Variants in OSBPL5 observed in about 807,000 individuals in gnomAD.
OSBPL5 encodes oxysterol binding protein like 5.
OSBPL5 carries 71 observed loss-of-function variants against 111.2 expected under a neutral mutation model. The observed-to-expected ratio is 0.64, with a 90% confidence interval of 0.53 to 0.78. The LOEUF (loss-of-function observed/expected upper bound fraction) is 0.78, where lower values mean the gene tolerates loss of function less well. OSBPL5 is among the 30% of genes least tolerant of loss of function. The pLI is 0.00. For missense variants in OSBPL5, 1,210 were observed against 1,189.3 expected, an observed-to-expected ratio of 1.02 and a Z score of -0.26; for synonymous variants, 549 against 513.9, an observed-to-expected ratio of 1.07 and a Z score of -0.93.
chr11:3,095,958 A>G (rs1199078699), intron 14 of OSBPL5, among the ~76,000 whole-genome samples: 2 of 151,538 alleles, frequency 1.3e-5, no homozygotes, highest in Non-Finnish European at 2.9e-5. Context: ...CGTCGTGTTG[A>G]AAAAAACTGT....
At chr11:3,103,519 G>C (rs1857528530) in intron 10 of OSBPL5, among the ~76,000 whole-genome samples, 199 bp from the exon 11 acceptor site, 1 of 152,226 alleles carries the variant, frequency 6.6e-6, no homozygotes, top group African/African-American at 2.4e-5. Flanking sequence ...AAGTGCCAGG[G>C]CTGCTCCCAC....
At chr11:3,122,138 A>G in intron 4 of OSBPL5, 40 bp from the exon 5 acceptor site, 4 of 1,525,506 alleles carry the variant, frequency 2.6e-6, no homozygotes. Context: ...GGGAGAAGGC[A>G]CCGAGCTGCC....
At chr11:3,093,357 C>T (rs1857130904) in intron 17 of OSBPL5, 170 bp downstream of exon 17, 4 of 1,094,438 alleles carry the variant, frequency 3.7e-6, no homozygotes, top group Non-Finnish European at 5.1e-6. Context: ...CCCCTTCCCT[C>T]CATCTGTCCT....
chr11:3,094,373 C>T, intron 14 of OSBPL5, 39 bp from the exon 15 acceptor site: 1 of 1,540,418 alleles, frequency 6.5e-7, no homozygotes. Context: ...GCGGCCCCAG[C>T]CCTGCTGAGC....
Position 3,121,131 on chromosome 11 carries a change from C to T in OSBPL5, c.403-507G>A, listed in dbSNP as rs879394377. Reference sequence around the variant, plus strand: ...GAGGTGCAGTGGTGCTATCTTGGCTCGCTGCAAACTCTGCCTCCCAGGTTC... The same window carrying T: ...GAGGTGCAGTGGTGCTATCTTGGCTTGCTGCAAACTCTGCCTCCCAGGTTC... On this transcript the variant is annotated intron_variant, in intron 5 of 21. Transcript: ENST00000263650. This position sits in a 1 kb window ranked among gnomAD's most constrained non-coding sequence, Gnocchi z 4.3. Among the ~76,000 whole-genome samples, 4 of 147,442 alleles carry T rather than the reference C, an allele frequency of 2.7e-5. No individual in the cohort carries two copies. Among genetic ancestry groups the T allele is most frequent in the Non-Finnish European group, 5.9e-5 (4 of 67,378 alleles).
At chr11:3,103,164 AG>A in intron 11 of OSBPL5, 74 bp downstream of exon 11, 1 of 1,343,884 alleles carries the variant, frequency 7.4e-7, no homozygotes, top group Non-Finnish European at 1.0e-6. Flanking sequence ...GACTCAGGGA[AG>A]TGCCAAGGGA....
intron 4 of OSBPL5, 84 bp from the exon 5 acceptor site, chr11:3,122,182 T>C: frequency 7.0e-7 from 1 of 1,430,546 alleles, no homozygotes; most frequent in Non-Finnish European, 9.5e-7. Context: ...CAGGGATGGG[T>C]CCAGGGGCAG....
rs1242828731 is a variant in OSBPL5 at position 3,141,475 on chromosome 11, G to A, written c.-21-12306C>T. ...CCCAATCTGTCTCTCAGGAAATGGG[G>A]GGGGTCTCAAACAGAAGGACCCCCA... On this transcript the variant is annotated intron_variant, in intron 1 of 21. Coordinates refer to ENST00000263650, the MANE Select transcript of OSBPL5 (RefSeq NM_020896.4). This position sits in a 1 kb window ranked among gnomAD's most constrained non-coding sequence, Gnocchi z 6.5. 1.3e-5 allele frequency among the ~76,000 whole-genome samples: 2 copies of A among 152,168 alleles called. No individual in the cohort carries two copies. Among genetic ancestry groups the A allele is most frequent in the Non-Finnish European group, 2.9e-5 (2 of 68,034 alleles).
chr11:3,158,568 G>A (rs985512141), intron 1 of OSBPL5, among the ~76,000 whole-genome samples: 2 of 152,250 alleles, frequency 1.3e-5, no homozygotes, highest in Admixed American at 6.5e-5. Context: ...GACACCCCAC[G>A]TGCAGAAGCT....
At chr11:3,155,707 C>T (rs1386365669) in intron 1 of OSBPL5, among the ~76,000 whole-genome samples, 7 of 152,254 alleles carry the variant, frequency 4.6e-5, no homozygotes, top group African/African-American at 1.2e-4. Flanking sequence ...CTGAAGTGGC[C>T]GGATGGCCAG....
At chr11:3,115,145 A>G (rs923016485) in intron 7 of OSBPL5, among the ~76,000 whole-genome samples, 2 of 152,148 alleles carry the variant, frequency 1.3e-5, no homozygotes, top group African/African-American at 2.4e-5. Flanking sequence ...TTTCTTAAAG[A>G]AAATGTTTTC....
chr11:3,149,225 C>T (rs556034777), intron 1 of OSBPL5, among the ~76,000 whole-genome samples: 4 of 152,396 alleles, frequency 2.6e-5, no homozygotes, highest in Admixed American at 1.3e-4. Flanking sequence ...CACACCACCA[C>T]GCTGGAAGTC....
intron 1 of OSBPL5, among the ~76,000 whole-genome samples, chr11:3,136,530 A>T (rs1280706693): frequency 6.6e-6 from 1 of 152,216 alleles, no homozygotes; most frequent in East Asian, 1.9e-4. Flanking sequence ...CCTCCTGCAG[A>T]GGCCTGGGGA....
chr11:3,106,752 G>C lies in OSBPL5; in HGVS notation c.1059+511C>G, dbSNP rs564400209. 6.6e-6 allele frequency among the ~76,000 whole-genome samples: 1 copy of C among 152,144 alleles called. No individual in the cohort carries two copies. Among genetic ancestry groups the C allele is most frequent in the Non-Finnish European group, 1.5e-5 (1 of 68,026 alleles). On this transcript the variant is annotated intron_variant, in intron 9 of 21. Transcript: ENST00000263650. This position sits in a 1 kb window ranked among gnomAD's most constrained non-coding sequence, Gnocchi z 8.4. ...TGCTCCCCAGCCTCCTCTTGTGTTT[G>C]TGGGTTTATCATCTATGTTTCCTGC...
rs1858782746 is a variant in OSBPL5, at chr11:3,130,361, G to C, written c.-21-1192C>G. Among the ~76,000 whole-genome samples the C allele has an allele frequency of 6.6e-6, 1 of 152,248 alleles. No individual in the cohort carries two copies. ...GGGCAGGCCAGTGGCATCCTGCCAA[G>C]CCCGGGACAAAGGCCTCGATTTCTC... is the stretch of plus-strand genomic sequence containing the variant. On this transcript the variant is annotated intron_variant, in intron 1 of 21. Transcript: ENST00000263650. This position sits in a 1 kb window ranked among gnomAD's most constrained non-coding sequence, Gnocchi z 4.5.
chr11:3,147,015 C>A (rs893861226), intron 1 of OSBPL5, among the ~76,000 whole-genome samples: 12 of 152,346 alleles, frequency 7.9e-5, no homozygotes, highest in African/African-American at 2.9e-4. Context: ...ACCTTGTTAG[C>A]TCTGGGTGGG....
intron 1 of OSBPL5, among the ~76,000 whole-genome samples, chr11:3,131,523 CCATT>C (rs1365469089): frequency 4.2e-5 from 6 of 142,066 alleles, no homozygotes; most frequent in Admixed American, 6.9e-5. Context: ...ATCCATCCAC[CCATT>C]CATCCATCCA....
At chr11:3,132,959 C>T (rs916878076) in intron 1 of OSBPL5, among the ~76,000 whole-genome samples, 3 of 151,776 alleles carry the variant, frequency 2.0e-5, no homozygotes, top group African/African-American at 4.8e-5. Context: ...TGGAGACCCT[C>T]GGTGGTTGTG....
At chr11:3,143,061 G>C (rs1274377106) in intron 1 of OSBPL5, among the ~76,000 whole-genome samples, 5 of 82,046 alleles carry the variant, frequency 6.1e-5, no homozygotes, top group Admixed American at 1.2e-4. Context: ...GGTGCGGAGC[G>C]GGGCAGAGGA....
Sources: allele counts gnomAD v4.1 joint callset (sites outside exome capture counted in the v4.1 genomes callset), GRCh38; gene constraint gnomAD v4.1.1; non-coding constraint Gnocchi (gnomAD v3.1); transcripts MANE v1.5; gene names NCBI Gene and HGNC (gene_info 2026-07-23, HGNC 2026-07-21).